PRKN: variants seen among roughly 807,000 people sequenced by gnomAD.
PRKN encodes the protein parkin RBR E3 ubiquitin protein ligase.
PRKN carries 56 observed loss-of-function variants against 59.5 expected under a neutral mutation model. That is an observed-to-expected ratio of 0.94 (90% CI 0.76 to 1.18). PRKN has a LOEUF of 1.18. Among genes scored for constraint, PRKN ranks in the 50% most tolerant of loss-of-function variants. PRKN has a pLI of 0.00. For synonymous variants in PRKN, 250 were observed against 222.1 expected (o/e 1.13, Z -1.12); for missense variants, 657 against 596.4 (o/e 1.10, Z -1.06).
intron 7 of PRKN, among the ~76,000 whole-genome samples, chr6:161,686,907 G>T (rs1280896430): frequency 6.6e-6 from 1 of 152,182 alleles, no homozygotes; most frequent in Admixed American, 6.5e-5. Context: ...CTTGGAGCTG[G>T]AGTTGTTTGT....
intron 2 of PRKN, among the ~76,000 whole-genome samples, chr6:162,337,981 T>C (rs1783925888): frequency 6.6e-6 from 1 of 152,174 alleles, no homozygotes; most frequent in African/African-American, 2.4e-5. Flanking sequence ...AATGCATCTT[T>C]AAATATCTTT....
intron 4 of PRKN, among the ~76,000 whole-genome samples, chr6:162,143,895 G>T (rs563388115): frequency 6.6e-6 from 1 of 152,286 alleles, no homozygotes; most frequent in South Asian, 2.1e-4. Context: ...AGAGAGATAT[G>T]AGTAATTAGA....
chr6:162,054,937 G>A (rs779807164), intron 4 of PRKN, among the ~76,000 whole-genome samples: 1 of 152,130 alleles, frequency 6.6e-6, no homozygotes, highest in Admixed American at 6.5e-5. Flanking sequence ...TGAAGGGGGC[G>A]GATCACCTGA....
chr6:162,437,420 G>C (rs1185041834), intron 2 of PRKN, among the ~76,000 whole-genome samples: 1 of 152,068 alleles, frequency 6.6e-6, no homozygotes, highest in African/African-American at 2.4e-5. Flanking sequence ...AGATAGCAGA[G>C]AAAGATGCCA....
chr6:162,030,599 C>G (rs1481949908), intron 5 of PRKN, among the ~76,000 whole-genome samples: 1 of 152,210 alleles, frequency 6.6e-6, no homozygotes, highest in Non-Finnish European at 1.5e-5. Context: ...TCCCTGCACA[C>G]TCCCTGTTCT....
At chr6:161,714,953 C>T (rs762133247) in intron 7 of PRKN, among the ~76,000 whole-genome samples, 12 of 152,278 alleles carry the variant, frequency 7.9e-5, no homozygotes, top group Non-Finnish European at 8.8e-5. Flanking sequence ...CTTTCAAATA[C>T]GGCATCTTAA....
At chr6:162,031,573 T>C (rs10214526) in intron 5 of PRKN, among the ~76,000 whole-genome samples, 17,246 of 151,144 alleles carry the variant, frequency 0.11, 1,329 homozygotes, top group African/African-American at 0.23. Context: ...TTCACTCTTG[T>C]TGTCCAGGCT....
chr6:162,644,163 G>A (rs1045135329), intron 1 of PRKN, among the ~76,000 whole-genome samples: 32 of 151,920 alleles, frequency 2.1e-4, no homozygotes, highest in Non-Finnish European at 1.9e-4. Flanking sequence ...AAGGCTCCTC[G>A]GCTTGCCTAT....
At chr6:162,680,663 T>A (rs894315272) in intron 1 of PRKN, among the ~76,000 whole-genome samples, 33 of 152,224 alleles carry the variant, frequency 2.2e-4, no homozygotes, top group East Asian at 7.7e-4. Context: ...CAATTTTTTT[T>A]AAAAACTAAA....
chr6:161,528,689 G>A (rs1215998521), intron 9 of PRKN, among the ~76,000 whole-genome samples: 1 of 152,204 alleles, frequency 6.6e-6, no homozygotes, highest in Non-Finnish European at 1.5e-5. Context: ...ATGGGATTGA[G>A]ACTTCTGCAG....
At chr6:161,786,877 C>A (rs1194611863) in intron 6 of PRKN, among the ~76,000 whole-genome samples, 1 of 149,504 alleles carries the variant, frequency 6.7e-6, no homozygotes, top group Admixed American at 6.8e-5. Flanking sequence ...ATATATAAAT[C>A]CTAATTTTTT....
At chr6:162,021,727 T>C (rs1361976848) in intron 5 of PRKN, among the ~76,000 whole-genome samples, 1 of 152,128 alleles carries the variant, frequency 6.6e-6, no homozygotes, top group African/African-American at 2.4e-5. Context: ...AGGTGGTACA[T>C]GTGCAGTTTT....
intron 6 of PRKN, among the ~76,000 whole-genome samples, chr6:161,856,489 CAT>C (rs1793659062): frequency 6.6e-6 from 1 of 152,114 alleles, no homozygotes; most frequent in Non-Finnish European, 1.5e-5. Flanking sequence ...TTGAATCCTT[CAT>C]ATAAATTTAT....
At chr6:162,664,642 C>G (rs1221612757) in intron 1 of PRKN, among the ~76,000 whole-genome samples, 1 of 152,036 alleles carries the variant, frequency 6.6e-6, no homozygotes, top group Admixed American at 6.6e-5. Context: ...CTCTGGTGAT[C>G]AGTGATGTTG....
intron 2 of PRKN, among the ~76,000 whole-genome samples, chr6:162,411,259 G>A (rs988311512): frequency 6.6e-6 from 1 of 152,154 alleles, no homozygotes; most frequent in Non-Finnish European, 1.5e-5. Flanking sequence ...TACAAGAAGT[G>A]ACTAGGTTAA....
chr6:162,116,967 T>C (rs970922932), intron 4 of PRKN, among the ~76,000 whole-genome samples: 1 of 152,210 alleles, frequency 6.6e-6, no homozygotes, highest in Non-Finnish European at 1.5e-5. Flanking sequence ...ACAGCATCCA[T>C]TCCAAACTTC....
chr6:162,167,327 G>T (rs985425389), intron 4 of PRKN, among the ~76,000 whole-genome samples: 2 of 152,178 alleles, frequency 1.3e-5, no homozygotes, highest in African/African-American at 4.8e-5. Flanking sequence ...GCCTGGATTG[G>T]AGTCTCGGCC....
At chr6:161,506,322 CTGTT>C (rs1054641907) in intron 9 of PRKN, among the ~76,000 whole-genome samples, 3 of 152,078 alleles carry the variant, frequency 2.0e-5, no homozygotes, top group African/African-American at 4.8e-5. Flanking sequence ...ATTTGGCTCT[CTGTT>C]TGTCTGCTAT....
intron 2 of PRKN, among the ~76,000 whole-genome samples, chr6:162,299,168 C>T (rs756473303): frequency 6.6e-5 from 10 of 152,202 alleles, no homozygotes; most frequent in South Asian, 4.1e-4. Context: ...ACAGCGAAGA[C>T]GCATCAGGCA....
Sources: gnomAD v4.1 joint callset for allele counts (sites outside exome capture counted in the v4.1 genomes callset) on GRCh38, gnomAD v4.1.1 for gene constraint, MANE v1.5 for transcripts, NCBI Gene and HGNC (gene_info 2026-07-23, HGNC 2026-07-21) for gene names.